Variants in CARHSP1 observed in about 807,000 individuals in gnomAD.
CARHSP1 encodes calcium regulated heat stable protein 1, also known as calcium-regulated heat-stable protein 1.
In CARHSP1, 14 loss-of-function variants were observed where a neutral mutation model predicts 12.5. The observed-to-expected ratio is 1.12, with a 90% CI of 0.74 to 1.75. CARHSP1 has a LOEUF of 1.75. Among genes scored for constraint, CARHSP1 ranks in the 40% most tolerant of loss-of-function variants. CARHSP1 has a pLI of 0.00. For synonymous variants in CARHSP1, 161 were observed against 82.0 expected (o/e 1.96, Z -5.20); for missense variants, 343 against 201.6 (o/e 1.70, Z -4.25).
At position 8,855,261 on chromosome 16, in the gene CARHSP1, G is replaced by A; in HGVS notation, c.347C>T (p.Pro116Leu). 1 of 1,613,078 alleles carries A rather than the reference G, an allele frequency of 6.2e-7. No individual in the cohort carries two copies. Among genetic ancestry groups the A allele is most frequent in the Non-Finnish European group, 8.5e-7 (1 of 1,179,406 alleles). Residue 116 changes from proline (P) to leucine (L), a missense_variant, in exon 4 of 4, where the codon CCC (proline) becomes CTC (leucine). Physicochemically the swap from Pro to Leu is moderately conservative, Grantham distance 98 (BLOSUM62 -3). Transcript: ENST00000311052. ...EVTYKMCSIP[P>L]KNEKLQAVEV... ...CACGGCCTGCAGCTTCTCATTCTTG[G>A]GTGGGATGGAGCACATTTTATAGGT...
In CARHSP1 at chr16:8,854,918, T is replaced by C; in HGVS notation, c.*246A>G. 2.9e-6 allele frequency: 1 copy of C among 349,404 alleles called. No homozygotes were observed. The highest frequency in any genetic ancestry group is 5.1e-6 in the Non-Finnish European group (1 of 194,930). 21.6% of individuals were successfully genotyped at this position (349,404 alleles called of 1,614,324 possible). A position where few individuals can be genotyped will look rare whatever the true frequency, so the allele number is the denominator to read the frequency against. On this transcript the variant is annotated 3_prime_UTR_variant, in exon 4 of 4. Transcript: ENST00000311052. ...CAGCCACCAGTGGGCACCTCTCCTT[T>C]TTAAATGCTTTTAATGCTCTTCAGA...
intron 2 of CARHSP1, 88 bp downstream of exon 2, chr16:8,859,083 G>A (rs959756553): frequency 7.6e-7 from 1 of 1,319,378 alleles, no homozygotes; most frequent in Non-Finnish European, 1.0e-6. Context: ...CGGGACATAG[G>A]CCCAAAAATG....
Position 8,859,252 on chromosome 16 carries a change from C to T in CARHSP1, c.77G>A (p.Ser26Asn), listed in dbSNP as rs779583621. ...ASVGLLDTPR[S>N]RERSPSPLRG... ...CAGAGGGGATGGTGAGCGCTCACGG[C>T]TCCGAGGGGTGTCCAGCAGCCCGAC... Residue 26 changes from serine to asparagine, a missense_variant, in exon 2 of 4, where the codon AGC becomes AAC. Ser to Asn is a conservative substitution (Grantham distance 46). Transcript: ENST00000311052. 19 of 1,601,106 alleles carry T rather than the reference C, an allele frequency of 1.2e-5. No homozygotes were observed. The East Asian group carries it at 2.0e-4, about 17-fold the overall frequency.
chr16:8,857,273 T>TTTG lies in CARHSP1; in HGVS notation c.281+1076_281+1077insCAA, dbSNP rs1567181158. On this transcript the variant is annotated intron_variant, in intron 3 of 3. Transcript: ENST00000311052. ...ATCTTGGGCAGATCTGTTTTTTTTTTTTTTTTTTTTTTTTTTTTTTTTTTT... is the reference window on the plus strand; with the variant it reads ...ATCTTGGGCAGATCTGTTTTTTTTTTTTGTTTTTTTTTTTTTTTTTTTTTTTTT... Among the ~76,000 whole-genome samples, 79 of 45,514 alleles carry TTTG rather than the reference T, an allele frequency of 1.7e-3. 2 individuals carry two copies. Among genetic ancestry groups the TTTG allele is most frequent in the South Asian group, 2.7e-3 (3 of 1,096 alleles). The allele number at this position is 45,514 out of a possible 152,430, so 29.9% of individuals were successfully genotyped here. A position where few individuals can be genotyped will look rare whatever the true frequency, so the allele number is the denominator to read the frequency against.
Position 8,858,350 on chromosome 16 carries a change from T to G in CARHSP1, c.281A>C (p.Asp94Ala). 6.2e-7 allele frequency: 1 copy of G among 1,613,438 alleles called. No homozygotes were observed. The highest frequency in any genetic ancestry group is 8.5e-7 in the Non-Finnish European group (1 of 1,179,948). Residue 94 changes from aspartate (D) to alanine (A), a missense_variant and splice_region_variant, in exon 3 of 4, where the codon GAT (aspartate) becomes GCT (alanine). Physicochemically the swap from Asp to Ala is moderately radical, Grantham distance 126. Transcript: ENST00000311052. ...GGPDIFLHIS[D>A]VEGEYVPVEG... ...CCACCCAGACCTGCCGCTGACTCAC[T>G]CAGAGATGTGCAGGAAGATGTCGGG...
chr16:8,862,286 G>A (rs930169560), intron 1 of CARHSP1, among the ~76,000 whole-genome samples: 5 of 151,954 alleles, frequency 3.3e-5, no homozygotes, highest in South Asian at 4.2e-4. Flanking sequence ...TAATAGTCCC[G>A]ATTTCACACC....
At position 8,855,012 on chromosome 16, in the gene CARHSP1, C is replaced by CG; in HGVS notation, c.*151_*152insC. On this transcript the variant is annotated 3_prime_UTR_variant, in exon 4 of 4. Coordinates refer to ENST00000311052, the MANE Select transcript of CARHSP1 (RefSeq NM_014316.4). ...GGGAACACCCCACACCCCACACCTG[C>CG]CCCCCATACCCCTTCCTCCAGGAGA... 1 of 503,220 alleles carries CG rather than the reference C, an allele frequency of 2.0e-6. No homozygotes were observed. The highest frequency in any genetic ancestry group is 4.0e-5 in the East Asian group (1 of 25,254). 31.2% of individuals were successfully genotyped at this position (503,220 alleles called of 1,614,324 possible). A position where few individuals can be genotyped will look rare whatever the true frequency, so the allele number is the denominator to read the frequency against.
At chr16:8,862,216 C>T (rs2061377578) in intron 1 of CARHSP1, among the ~76,000 whole-genome samples, 1 of 151,784 alleles carries the variant, frequency 6.6e-6, no homozygotes, top group Admixed American at 6.6e-5. Context: ...GCTGTGTGGT[C>T]TTGTACAAGT....
rs1354656244 is a variant in CARHSP1 at position 8,861,795 on chromosome 16, CAT to C, written c.-7-2462_-7-2461del. On this transcript the variant is annotated intron_variant, in intron 1 of 3. Coordinates refer to ENST00000311052, the MANE Select transcript of CARHSP1 (RefSeq NM_014316.4). The stretch of plus-strand genomic sequence containing the variant: ...CCCCGCATGACCTACCAGCACAGGT[CAT>C]AGAGTCCTAGAATGTTCAACGCCCA... 8 of 1,247,454 alleles carry C rather than the reference CAT, an allele frequency of 6.4e-6. No individual in the cohort carries two copies. The Admixed American group carries it at 1.6e-4, about 26-fold the overall frequency. 77.3% of individuals were successfully genotyped at this position (1,247,454 alleles called of 1,614,324 possible). A position where few individuals can be genotyped will look rare whatever the true frequency, so the allele number is the denominator to read the frequency against.
chr16:8,858,281 A>C, intron 3 of CARHSP1, 69 bp downstream of exon 3: 1 of 1,569,730 alleles, frequency 6.4e-7, no homozygotes, highest in Non-Finnish European at 8.6e-7. Flanking sequence ...GTCACACACC[A>C]TCCCCACCTC....
At chr16:8,858,245 C>A (rs1174721527) in intron 3 of CARHSP1, 105 bp downstream of exon 3, 2 of 1,337,172 alleles carry the variant, frequency 1.5e-6, no homozygotes, top group African/African-American at 1.5e-5. Flanking sequence ...CCCAGCCATT[C>A]GTCCTCACAC....
Position 8,857,277 on chromosome 16 carries a change from T to TTTTTTTTG in CARHSP1, c.281+1072_281+1073insCAAAAAAA, listed in dbSNP as rs1567181199. ...TGGGCAGATCTGTTTTTTTTTTTTT[T>TTTTTTTTG]TTTTTTTTTTTTTTTTTTTTTTGAG... is the stretch of plus-strand genomic sequence containing the variant. On this transcript the variant is annotated intron_variant, in intron 3 of 3. Transcript: ENST00000311052. 1.7e-4 allele frequency among the ~76,000 whole-genome samples: 11 copies of TTTTTTTTG among 65,878 alleles called. 2 individuals are homozygous for TTTTTTTTG. The highest frequency in any genetic ancestry group is 9.5e-4 in the African/African-American group (10 of 10,522). The allele number at this position is 65,878 out of a possible 152,430, so 43.2% of individuals were successfully genotyped here. A position where few individuals can be genotyped will look rare whatever the true frequency, so the allele number is the denominator to read the frequency against.
At chr16:8,863,900 T>G (rs2061412055) in intron 1 of CARHSP1, among the ~76,000 whole-genome samples, 1 of 152,128 alleles carries the variant, frequency 6.6e-6, no homozygotes, top group Non-Finnish European at 1.5e-5. Flanking sequence ...CAGTCCCAGC[T>G]TCCAGCCAGC....
intron 1 of CARHSP1, among the ~76,000 whole-genome samples, chr16:8,862,350 C>T (rs1161837574): frequency 4.6e-5 from 7 of 152,228 alleles, no homozygotes; most frequent in Admixed American, 1.3e-4. Context: ...GCACACTGTC[C>T]GCCCAGGTCC....
intron 1 of CARHSP1, chr16:8,861,540 G>A: frequency 1.6e-5 from 18 of 1,152,560 alleles, no homozygotes; most frequent in Non-Finnish European, 2.1e-5. Context: ...AGAGGAGAAG[G>A]GATGCCCCAT....
In CARHSP1 at chr16:8,853,465, A is replaced by G. The variant is rs1246139898; in HGVS notation, c.*1699T>C. The G allele has an allele frequency of 6.6e-6, 1 of 152,170 alleles. No homozygotes were observed. Among genetic ancestry groups the G allele is most frequent in the Non-Finnish European group, 1.5e-5 (1 of 68,060 alleles). 9.4% of individuals were successfully genotyped at this position (152,170 alleles called of 1,614,324 possible). A position where few individuals can be genotyped will look rare whatever the true frequency, so the allele number is the denominator to read the frequency against. Reference sequence around the variant, plus strand: ...TGTGGTGGGAACTGCCTTTGTCTCCACACACTCGCAATCAACATGCGTATT... The same window carrying G: ...TGTGGTGGGAACTGCCTTTGTCTCCGCACACTCGCAATCAACATGCGTATT... On this transcript the variant is annotated 3_prime_UTR_variant, in exon 4 of 4. Coordinates refer to ENST00000311052, the MANE Select transcript of CARHSP1 (RefSeq NM_014316.4).
At chr16:8,858,196 G>GC in intron 3 of CARHSP1, 154 bp downstream of exon 3, 3 of 875,866 alleles carry the variant, frequency 3.4e-6, no homozygotes, top group Non-Finnish European at 5.1e-6. Context: ...ACACACAGGA[G>GC]CACAGCTGGA....
chr16:8,861,526 G>A lies in CARHSP1; in HGVS notation c.-7-2191C>T, dbSNP rs561827611. The A allele has an allele frequency of 7.4e-6, 8 of 1,082,254 alleles. No individual in the cohort carries two copies. The African/African-American group carries it at 1.3e-4, about 18-fold the overall frequency. The allele number at this position is 1,082,254 out of a possible 1,614,324, so 67.0% of individuals were successfully genotyped here. ...AGCCACCCAAGAACCAGGCCCGACT[G>A]CTCAGAGGAGAAGGGATGCCCCATC... On this transcript the variant is annotated intron_variant, in intron 1 of 3. Transcript: ENST00000311052.
intron 1 of CARHSP1, chr16:8,861,795 C>G: frequency 3.2e-6 from 4 of 1,247,572 alleles, no homozygotes; most frequent in Non-Finnish European, 4.1e-6. Context: ...CAGCACAGGT[C>G]ATAGAGTCCT....
Sources: gnomAD v4.1 joint callset for allele counts (sites outside exome capture counted in the v4.1 genomes callset) on GRCh38, gnomAD v4.1.1 for gene constraint, MANE v1.5 for transcripts, NCBI Gene and HGNC (gene_info 2026-07-23, HGNC 2026-07-21) for gene names.